The following PDE1C variants were observed in gnomAD, a reference collection of about 807,000 sequenced individuals.
PDE1C encodes dual specificity calcium/calmodulin-dependent 3',5'-cyclic nucleotide phosphodiesterase 1C.
A neutral mutation model predicts 93.1 loss-of-function variants in PDE1C; 62 were observed. The observed-to-expected ratio is 0.67, with a 90% confidence interval of 0.54 to 0.82. The LOEUF is 0.82. Among genes scored for constraint, PDE1C ranks in the 40% least tolerant of loss-of-function variants. The pLI is 0.00. For synonymous variants in PDE1C, 325 were observed against 310.1 expected (o/e 1.05, Z -0.50); for missense variants, 742 against 884.6 (o/e 0.84, Z 2.04).
At chr7:32,322,143 G>A (rs1222382521) in intron 1 of PDE1C, among the ~76,000 whole-genome samples, 1 of 152,154 alleles carries the variant, frequency 6.6e-6, no homozygotes, top group South Asian at 2.1e-4. Flanking sequence ...TACAGATGAA[G>A]TAAACTGAGC....
intron 1 of PDE1C, among the ~76,000 whole-genome samples, chr7:32,325,927 T>C (rs1034508373): frequency 6.6e-6 from 1 of 152,126 alleles, no homozygotes; most frequent in African/African-American, 2.4e-5. Context: ...ATTGCAATCA[T>C]TCAGACAAGA....
At chr7:32,062,964 C>T (rs556120337) in intron 1 of PDE1C, among the ~76,000 whole-genome samples, 1 of 152,284 alleles carries the variant, frequency 6.6e-6, no homozygotes, top group East Asian at 1.9e-4. Flanking sequence ...ATCTCACAAG[C>T]TAGGAACATC....
the PDE1C span, among the ~76,000 whole-genome samples, chr7:31,618,039 G>C: frequency 6.6e-6 from 1 of 152,058 alleles, no homozygotes; most frequent in East Asian, 1.9e-4. Flanking sequence ...GGCATCCATG[G>C]GATCCTAAAG....
intron 1 of PDE1C, among the ~76,000 whole-genome samples, chr7:32,419,798 C>T (rs916590857): frequency 2.0e-5 from 3 of 151,868 alleles, no homozygotes; most frequent in Non-Finnish European, 4.4e-5. Context: ...ACAGCTTAGA[C>T]ACCACCAGTG....
At chr7:31,635,109 A>G in the PDE1C span, among the ~76,000 whole-genome samples, 2 of 152,178 alleles carry the variant, frequency 1.3e-5, no homozygotes, top group Non-Finnish European at 2.9e-5. Context: ...GGGAGTGATA[A>G]ATGATGTACA....
At chr7:32,337,766 T>C (rs1783658656) in intron 1 of PDE1C, among the ~76,000 whole-genome samples, 1 of 151,914 alleles carries the variant, frequency 6.6e-6, no homozygotes, top group Non-Finnish European at 1.5e-5. Context: ...CCAATGGAGA[T>C]TCAGTTTTTA....
chr7:32,048,686 T>C (rs1792931939), intron 2 of PDE1C, among the ~76,000 whole-genome samples: 1 of 152,072 alleles, frequency 6.6e-6, no homozygotes, highest in Non-Finnish European at 1.5e-5. Context: ...ACCTGCAAAA[T>C]TATGAGCAGA....
At chr7:31,973,408 A>G (rs1300714945) in intron 2 of PDE1C, among the ~76,000 whole-genome samples, 1 of 152,220 alleles carries the variant, frequency 6.6e-6, no homozygotes, top group Non-Finnish European at 1.5e-5. Context: ...AAAACACATC[A>G]TAAGTAAAAT....
chr7:31,869,248 C>T (rs992280978), intron 6 of PDE1C, among the ~76,000 whole-genome samples: 1 of 151,950 alleles, frequency 6.6e-6, no homozygotes, highest in Non-Finnish European at 1.5e-5. Flanking sequence ...AATAAAATGA[C>T]TGGAATAAGT....
At chr7:31,647,427 C>G in the PDE1C span, among the ~76,000 whole-genome samples, 1 of 150,662 alleles carries the variant, frequency 6.6e-6, no homozygotes, top group African/African-American at 2.4e-5. Flanking sequence ...TTTGGGAGGC[C>G]AAGATGGGTG....
chr7:32,423,349 C>T (rs1785468120), intron 1 of PDE1C, among the ~76,000 whole-genome samples: 1 of 152,104 alleles, frequency 6.6e-6, no homozygotes, highest in Admixed American at 6.5e-5. Flanking sequence ...TGCACTCCAA[C>T]CTGGACAAGA....
At chr7:31,717,743 A>G in the PDE1C span, among the ~76,000 whole-genome samples, 2 of 152,310 alleles carry the variant, frequency 1.3e-5, no homozygotes, top group East Asian at 1.9e-4. Context: ...TATTCATAGT[A>G]ATGAATACTT....
At chr7:32,133,370 A>G (rs1422231728) in intron 3 of PDE1C, among the ~76,000 whole-genome samples, 7 of 152,202 alleles carry the variant, frequency 4.6e-5, no homozygotes, top group Admixed American at 4.6e-4. Flanking sequence ...TCACCAGTAC[A>G]GAGTAAATTC....
chr7:31,875,028 A>G (rs1796367785), intron 5 of PDE1C, among the ~76,000 whole-genome samples: 1 of 152,238 alleles, frequency 6.6e-6, no homozygotes, highest in Non-Finnish European at 1.5e-5. Flanking sequence ...CCCAGGCCTC[A>G]TCCCTTTAAT....
At chr7:32,379,658 C>G (rs1263609759) in intron 1 of PDE1C, among the ~76,000 whole-genome samples, 1 of 152,178 alleles carries the variant, frequency 6.6e-6, no homozygotes, top group Non-Finnish European at 1.5e-5. Flanking sequence ...TGGCTGAGTG[C>G]TTTAATTGAG....
chr7:31,632,000 C>T, the PDE1C span, among the ~76,000 whole-genome samples: 1 of 152,126 alleles, frequency 6.6e-6, no homozygotes, highest in Non-Finnish European at 1.5e-5. Context: ...CCAGTGACCA[C>T]CTGTTAGGAA....
intron 3 of PDE1C, among the ~76,000 whole-genome samples, chr7:32,161,726 T>C (rs1339229077): frequency 1.3e-5 from 2 of 152,176 alleles, no homozygotes; most frequent in African/African-American, 4.8e-5. Context: ...ACACTTCACA[T>C]TGGCAGGGTG....
intron 17 of PDE1C, among the ~76,000 whole-genome samples, chr7:31,770,248 C>T (rs28844350): frequency 0.44 from 66,679 of 151,888 alleles, 15,028 homozygotes; most frequent in African/African-American, 0.49. Context: ...TTAATTGGGT[C>T]GTCTTTTTAT....
chr7:31,835,834 AAC>A (rs140217867), intron 11 of PDE1C, among the ~76,000 whole-genome samples: 1 of 151,878 alleles, frequency 6.6e-6, no homozygotes, highest in Non-Finnish European at 1.5e-5. Flanking sequence ...TCAGAAGGAA[AAC>A]ACACACACAC....
Sources: allele counts gnomAD v4.1 joint callset (sites outside exome capture counted in the v4.1 genomes callset), GRCh38; gene constraint gnomAD v4.1.1; transcripts MANE v1.5; gene names NCBI Gene and HGNC (gene_info 2026-07-23, HGNC 2026-07-21).